The following SHISA9 variants were observed in gnomAD, a reference collection of about 807,000 sequenced individuals.
SHISA9 encodes protein shisa-9.
In SHISA9, 13 loss-of-function variants were observed where a neutral mutation model predicts 38.0. The ratio of observed to expected loss-of-function variants is 0.34; its 90% CI spans 0.22 to 0.54. SHISA9 has a LOEUF of 0.54. SHISA9 is among the 20% of genes least tolerant of loss of function. The probability of loss-of-function intolerance (pLI) is 0.91; values close to 1 mark genes in which losing one functional copy is unlikely to be tolerated. For missense variants in SHISA9, 538 were observed against 575.8 expected (o/e 0.93, Z 0.67); for synonymous variants, 275 against 242.0 (o/e 1.14, Z -1.27).
At chr16:13,193,454 C>T (rs182004046) in intron 2 of SHISA9, among the ~76,000 whole-genome samples, 16 of 152,188 alleles carry the variant, frequency 1.1e-4, no homozygotes, top group African/African-American at 2.4e-4. Flanking sequence ...TGGGTTCAAG[C>T]GATTCTCCTG....
the SHISA9 span, among the ~76,000 whole-genome samples, chr16:13,526,267 C>T: frequency 6.6e-6 from 1 of 152,206 alleles, no homozygotes; most frequent in Admixed American, 6.5e-5. Flanking sequence ...GAGGACTTCA[C>T]CCCAGAGCTT....
intron 2 of SHISA9, among the ~76,000 whole-genome samples, chr16:13,037,058 T>TCTGACACA (rs1474471632): frequency 7.4e-6 from 1 of 135,904 alleles, no homozygotes; most frequent in African/African-American, 3.0e-5. Context: ...CAGGGAATGA[T>TCTGACACA]CACACACACA....
chr16:13,460,155 A>G, the SHISA9 span, among the ~76,000 whole-genome samples: 13 of 152,174 alleles, frequency 8.5e-5, no homozygotes, highest in Admixed American at 5.2e-4. Context: ...CATACCCATC[A>G]ATCCTGGATT....
rs551386732 is a variant in SHISA9, at chr16:13,098,082, C to T, written c.692-105312C>T. 1.4e-3 allele frequency among the ~76,000 whole-genome samples: 215 copies of T among 152,268 alleles called. 1 individual carries two copies. The highest frequency in any genetic ancestry group is 4.7e-3 in the African/African-American group (197 of 41,546). ...TTACCACCCCATTTCGCAGAAGAAA[C>T]GGAGGGTCAGAGAGATGAAGTCACC... is the stretch of plus-strand genomic sequence containing the variant. On this transcript the variant is annotated intron_variant, in intron 2 of 4. Transcript: ENST00000558583.
chr16:13,223,467 A>G (rs1347470487), intron 4 of SHISA9, among the ~76,000 whole-genome samples: 2 of 152,168 alleles, frequency 1.3e-5, no homozygotes, highest in Non-Finnish European at 2.9e-5. Context: ...AAACTGGTGC[A>G]TTGAATCCTT....
At chr16:13,505,924 A>G in the SHISA9 span, among the ~76,000 whole-genome samples, 2 of 152,184 alleles carry the variant, frequency 1.3e-5, no homozygotes, top group African/African-American at 4.8e-5. Context: ...AACAATATTC[A>G]TCAAAAATCA....
intron 2 of SHISA9, among the ~76,000 whole-genome samples, chr16:13,054,346 G>A: frequency 6.6e-6 from 1 of 152,150 alleles, no homozygotes; most frequent in Non-Finnish European, 1.5e-5. Flanking sequence ...CTGGTGCACT[G>A]TTGGGCCTCA....
chr16:13,066,582 A>T (rs1424320173), intron 2 of SHISA9, among the ~76,000 whole-genome samples: 1 of 152,176 alleles, frequency 6.6e-6, no homozygotes, highest in African/African-American at 2.4e-5. Flanking sequence ...TTAATGCGGG[A>T]AGGTCACCTA....
At chr16:13,469,320 G>GAGAGAGAAAGAAAGAAAGAAAGAA in the SHISA9 span, among the ~76,000 whole-genome samples, 22 of 61,610 alleles carry the variant, frequency 3.6e-4, no homozygotes, top group Non-Finnish European at 3.7e-4. Flanking sequence ...GAGAGAGAGA[G>GAGAGAGAAAGAAAGAAAGAAAGAA]AGAAAGAAAG....
chr16:13,457,076 G>T, the SHISA9 span, among the ~76,000 whole-genome samples: 5 of 152,370 alleles, frequency 3.3e-5, no homozygotes, highest in Non-Finnish European at 7.3e-5. Context: ...GGAGGCCAAG[G>T]CGGGCGGATC....
intron 2 of SHISA9, among the ~76,000 whole-genome samples, chr16:13,188,357 G>A (rs887356587): frequency 2.6e-5 from 4 of 152,212 alleles, no homozygotes; most frequent in African/African-American, 9.6e-5. Context: ...TTCAGATCCA[G>A]TAAGGAGTGA....
chr16:12,947,556 G>T (rs2071703654), intron 2 of SHISA9, among the ~76,000 whole-genome samples: 1 of 152,236 alleles, frequency 6.6e-6, no homozygotes, highest in Admixed American at 6.5e-5. Context: ...TTGGTGAATA[G>T]TTAGCAGGAA....
At chr16:12,970,360 T>TACAC (rs1432982720) in intron 2 of SHISA9, among the ~76,000 whole-genome samples, 37 of 73,068 alleles carry the variant, frequency 5.1e-4, no homozygotes, top group Non-Finnish European at 9.6e-4. Context: ...TGTGTATATA[T>TACAC]ATATATATAC....
chr16:13,521,190 T>G, the SHISA9 span, among the ~76,000 whole-genome samples: 878 of 152,284 alleles, frequency 5.8e-3, 16 homozygotes, highest in African/African-American at 0.02. Context: ...ATTTCCAGCA[T>G]CTTCCTGATC....
At chr16:12,942,891 C>A (rs987482576) in intron 2 of SHISA9, among the ~76,000 whole-genome samples, 1 of 152,110 alleles carries the variant, frequency 6.6e-6, no homozygotes, top group Admixed American at 6.5e-5. Context: ...TTTAGGCACA[C>A]GTAGGTCTCA....
the SHISA9 span, among the ~76,000 whole-genome samples, chr16:13,559,988 C>T: frequency 6.6e-6 from 1 of 152,176 alleles, no homozygotes; most frequent in African/African-American, 2.4e-5. Flanking sequence ...TCAGTCAAGA[C>T]TTCATGTTCC....
At chr16:13,435,220 T>G in the SHISA9 span, among the ~76,000 whole-genome samples, 1 of 144,632 alleles carries the variant, frequency 6.9e-6, no homozygotes, top group Non-Finnish European at 1.5e-5. Flanking sequence ...GTACCCATTC[T>G]TAGAATCTTT....
chr16:13,063,816 G>A (rs541093420), intron 2 of SHISA9, among the ~76,000 whole-genome samples: 1 of 152,268 alleles, frequency 6.6e-6, no homozygotes, highest in African/African-American at 2.4e-5. Flanking sequence ...GCGGCCCTCA[G>A]CCTTTTTGGA....
the SHISA9 span, among the ~76,000 whole-genome samples, chr16:13,286,394 T>C: frequency 6.6e-6 from 1 of 152,170 alleles, no homozygotes; most frequent in Non-Finnish European, 1.5e-5. Flanking sequence ...CTTACAATTT[T>C]ATATCCTATT....
Sources: allele counts gnomAD v4.1 joint callset (sites outside exome capture counted in the v4.1 genomes callset), GRCh38; gene constraint gnomAD v4.1.1; transcripts MANE v1.5; gene names NCBI Gene and HGNC (gene_info 2026-07-23, HGNC 2026-07-21).